The following EPM2A variants were observed in gnomAD, a reference collection of about 807,000 sequenced individuals.
EPM2A encodes EPM2A glucan phosphatase, laforin, also known as laforin.
In EPM2A, 21 loss-of-function variants were observed where a neutral mutation model predicts 26.5. The observed-to-expected ratio is 0.79, with a 90% confidence interval of 0.56 to 1.14. The LOEUF (loss-of-function observed/expected upper bound fraction) is 1.14, where lower values mean the gene tolerates loss of function less well. EPM2A is among the 50% of genes most tolerant of loss of function. The pLI is 0.00. For missense variants in EPM2A, 458 were observed against 440.8 expected, an observed-to-expected ratio of 1.04 and a Z score of -0.35; for synonymous variants, 217 against 177.6, an observed-to-expected ratio of 1.22 and a Z score of -1.76.
At chr6:145,701,762 T>C (rs559026964) in intron 1 of EPM2A, among the ~76,000 whole-genome samples, 102 of 152,360 alleles carry the variant, frequency 6.7e-4, no homozygotes, top group African/African-American at 2.3e-3. Flanking sequence ...AAATCATATT[T>C]CCTTAGGCAT....
At chr6:145,641,746 T>G (rs760277234) in intron 2 of EPM2A, among the ~76,000 whole-genome samples, 10 of 152,160 alleles carry the variant, frequency 6.6e-5, no homozygotes, top group Non-Finnish European at 1.5e-4. Context: ...CCTTCTTCCT[T>G]CCTTCACTGA....
At chr6:145,635,089 G>A in intron 3 of EPM2A, 156 bp downstream of exon 3, 1 of 788,850 alleles carries the variant, frequency 1.3e-6, no homozygotes, top group Non-Finnish European at 2.0e-6. Flanking sequence ...CTTAGCCACA[G>A]TGTCAAAACA....
intron 4 of EPM2A, among the ~76,000 whole-genome samples, chr6:145,425,668 A>G (rs1778846234): frequency 6.6e-6 from 1 of 151,946 alleles, no homozygotes; most frequent in Non-Finnish European, 1.5e-5. Context: ...TATAAATCAA[A>G]TATTGCATTT....
intron 1 of EPM2A, 129 bp downstream of exon 1, chr6:145,735,069 G>C (rs1175420793): frequency 3.7e-6 from 2 of 544,260 alleles, no homozygotes; most frequent in Non-Finnish European, 5.7e-6. Context: ...GAGTGCGCAG[G>C]GACGCGGGCA....
chr6:145,680,512 G>A (rs1780436242), intron 2 of EPM2A, among the ~76,000 whole-genome samples: 1 of 152,006 alleles, frequency 6.6e-6, no homozygotes, highest in African/African-American at 2.4e-5. Flanking sequence ...TTTAGCATTA[G>A]GTGTATCTCC....
chr6:145,533,400 C>A (rs1259301885), intron 2 of EPM2A, among the ~76,000 whole-genome samples: 1 of 152,154 alleles, frequency 6.6e-6, no homozygotes, highest in Non-Finnish European at 1.5e-5. Context: ...CAAAGTAAGT[C>A]TCATAAAATG....
At chr6:145,728,414 G>T (rs1776319003) in intron 1 of EPM2A, among the ~76,000 whole-genome samples, 2 of 152,204 alleles carry the variant, frequency 1.3e-5, no homozygotes, top group Admixed American at 1.3e-4. Flanking sequence ...GGACAGTGAA[G>T]TCCAGGCTGA....
Position 145,625,500 on chromosome 6 carries a change from G to A in EPM2A, c.*1916C>T, listed in dbSNP as rs982825900. On this transcript the variant is annotated 3_prime_UTR_variant, in exon 4 of 4. Coordinates refer to ENST00000367519, the MANE Select transcript of EPM2A (RefSeq NM_005670.4). ...ATCTTTGTATCATGGAAATTATGAA[G>A]CTGGATTTCTTAGACATTAAAGAAA... 5.4e-6 allele frequency: 3 copies of A among 556,554 alleles called. No individual in the cohort carries two copies. Among genetic ancestry groups the A allele is most frequent in the Non-Finnish European group, 9.6e-6 (3 of 313,564 alleles). The allele number at this position is 556,554 out of a possible 1,614,324, so 34.5% of individuals were successfully genotyped here. A position where few individuals can be genotyped will look rare whatever the true frequency, so the allele number is the denominator to read the frequency against.
In EPM2A at chr6:145,407,072, C is replaced by T. The variant is rs147738130; in HGVS notation, c.556-22975G>A. On this transcript the variant is annotated intron_variant, in intron 4 of 4. Coordinates refer to the EPM2A transcript ENST00000638717. Reference sequence around the variant, plus strand: ...GCAAAGTGCACAGATGCTGACCGTGCGATCCCCAGCTAACCCAGGGTCTTA... The same window carrying T: ...GCAAAGTGCACAGATGCTGACCGTGTGATCCCCAGCTAACCCAGGGTCTTA... Among the ~76,000 whole-genome samples the T allele has an allele frequency of 2.1e-3, 326 of 152,154 alleles. 3 individuals carry two copies. The highest frequency in any genetic ancestry group is 7.3e-3 in the African/African-American group (302 of 41,530).
intron 4 of EPM2A, among the ~76,000 whole-genome samples, chr6:145,390,944 A>C (rs996490358): frequency 6.6e-6 from 1 of 152,092 alleles, no homozygotes; most frequent in African/African-American, 2.4e-5. Flanking sequence ...ACTTGGTCAA[A>C]TTGTTTGTCT....
At chr6:145,459,744 C>T (rs1779305067) in intron 4 of EPM2A, among the ~76,000 whole-genome samples, 1 of 151,890 alleles carries the variant, frequency 6.6e-6, no homozygotes, top group African/African-American at 2.4e-5. Flanking sequence ...AATACGATAC[C>T]TCTATACCCT....
intron 2 of EPM2A, among the ~76,000 whole-genome samples, chr6:145,653,800 A>G (rs935214537): frequency 3.9e-5 from 6 of 152,184 alleles, no homozygotes; most frequent in Non-Finnish European, 8.8e-5. Context: ...CACATTATGG[A>G]GTGTACTCTG....
chr6:145,415,333 G>A (rs541444057), intron 4 of EPM2A, among the ~76,000 whole-genome samples: 26 of 152,290 alleles, frequency 1.7e-4, no homozygotes, highest in Admixed American at 5.9e-4. Flanking sequence ...CCTGATCTGT[G>A]AAGTCGTTCC....
At chr6:145,655,100 C>T (rs888751725) in intron 2 of EPM2A, among the ~76,000 whole-genome samples, 2 of 151,170 alleles carry the variant, frequency 1.3e-5, no homozygotes, top group African/African-American at 4.9e-5. Context: ...CAAGAAAACA[C>T]ATATCATGCT....
intron 2 of EPM2A, among the ~76,000 whole-genome samples, chr6:145,515,848 A>C (rs528026688): frequency 6.6e-6 from 1 of 152,332 alleles, no homozygotes; most frequent in Admixed American, 6.5e-5. Context: ...GGATCCAAAG[A>C]CAAACCATGC....
intron 2 of EPM2A, among the ~76,000 whole-genome samples, chr6:145,676,270 T>C (rs1019457193): frequency 2.6e-5 from 4 of 152,070 alleles, no homozygotes; most frequent in Admixed American, 2.0e-4. Flanking sequence ...GGGACACATT[T>C]AAAGCAGTGT....
At chr6:145,402,311 TCAG>T (rs1479414032) in intron 4 of EPM2A, among the ~76,000 whole-genome samples, 1 of 152,096 alleles carries the variant, frequency 6.6e-6, no homozygotes, top group Non-Finnish European at 1.5e-5. Flanking sequence ...TGAAGACACT[TCAG>T]CAGAACTCAA....
chr6:145,569,863 A>ATG lies in EPM2A; in HGVS notation c.340+65381_340+65382insCA, dbSNP rs553822989. Among the ~76,000 whole-genome samples, 403 of 151,906 alleles carry ATG rather than the reference A, an allele frequency of 2.7e-3. 1 individual carries two copies. Among genetic ancestry groups the ATG allele is most frequent in the Non-Finnish European group, 4.5e-3 (306 of 67,950 alleles). ...GAACTAATGGAATATACATATATAT[A>ATG]TATAAAGGGGAATTTATTAAATATC... is the stretch of plus-strand genomic sequence containing the variant. On this transcript the variant is annotated intron_variant, in intron 2 of 3. Transcript: ENST00000450221.
rs189493046 is a variant in EPM2A, at chr6:145,495,441, C to T, written c.555+7081G>A. On this transcript the variant is annotated intron_variant, in intron 4 of 4. Coordinates refer to the EPM2A transcript ENST00000638717. ...TACTGATGGGTCTTGGTTCTTTATC[C>T]AGCTTGCCACTGTGTTTCTTAATTG... Among the ~76,000 whole-genome samples, 474 of 152,072 alleles carry T rather than the reference C, an allele frequency of 3.1e-3. 1 individual carries two copies. Among genetic ancestry groups the T allele is most frequent in the African/African-American group, 0.011 (454 of 41,452 alleles).
Sources: allele counts gnomAD v4.1 joint callset (sites outside exome capture counted in the v4.1 genomes callset), GRCh38; gene constraint gnomAD v4.1.1; transcripts MANE v1.5; gene names NCBI Gene and HGNC (gene_info 2026-07-23, HGNC 2026-07-21).